The following CHRM3 variants were observed in gnomAD, a reference collection of about 807,000 sequenced individuals.
The protein encoded by CHRM3 is cholinergic receptor muscarinic 3.
A neutral mutation model predicts 41.8 loss-of-function variants in CHRM3; 11 were observed. The ratio of observed to expected loss-of-function variants is 0.26; its 90% CI spans 0.17 to 0.44. The LOEUF is 0.44. Among genes scored for constraint, CHRM3 ranks in the 20% least tolerant of loss-of-function variants. The probability of loss-of-function intolerance (pLI) is 1.00; values close to 1 mark genes in which losing one functional copy is unlikely to be tolerated. For missense variants in CHRM3, 571 were observed against 745.4 expected, an observed-to-expected ratio of 0.77 and a Z score of 2.72; for synonymous variants, 297 against 301.4, an observed-to-expected ratio of 0.99 and a Z score of 0.15.
chr1:239,498,071 G>C (rs1289924204), intron 2 of CHRM3, among the ~76,000 whole-genome samples: 1 of 152,122 alleles, frequency 6.6e-6, no homozygotes, highest in Non-Finnish European at 1.5e-5. Flanking sequence ...ATCAGCCCTA[G>C]AGCTGCAAAT....
At chr1:239,448,541 T>C (rs1664316490) in intron 1 of CHRM3, among the ~76,000 whole-genome samples, 1 of 152,144 alleles carries the variant, frequency 6.6e-6, no homozygotes, top group Non-Finnish European at 1.5e-5. Flanking sequence ...AATTGATATT[T>C]TAAAACATGA....
chr1:239,777,044 A>G (rs1668145991), intron 5 of CHRM3, among the ~76,000 whole-genome samples: 2 of 152,190 alleles, frequency 1.3e-5, no homozygotes, highest in Admixed American at 1.3e-4. Context: ...AAACCATATC[A>G]ATAGTATATC....
chr1:239,516,093 C>CT (rs899655051), intron 2 of CHRM3, among the ~76,000 whole-genome samples: 17 of 151,524 alleles, frequency 1.1e-4, no homozygotes, highest in Admixed American at 5.9e-4. Flanking sequence ...GAAAGCTGAG[C>CT]TTTTTTTTTG....
chr1:239,746,783 A>C (rs1665398176), intron 5 of CHRM3, among the ~76,000 whole-genome samples: 1 of 151,226 alleles, frequency 6.6e-6, no homozygotes, highest in Non-Finnish European at 1.5e-5. Flanking sequence ...TTTGAGACAG[A>C]GTTTCGCTCT....
At chr1:239,874,697 CT>C (rs372147115) in intron 6 of CHRM3, among the ~76,000 whole-genome samples, 1,886 of 143,880 alleles carry the variant, frequency 0.013, 21 homozygotes, top group South Asian at 0.022. Context: ...TTTGGCATTA[CT>C]TTTTTTTTTT....
chr1:239,823,562 C>T lies in CHRM3; in HGVS notation c.-146-3690C>T, dbSNP rs937478516. On this transcript the variant is annotated intron_variant, in intron 5 of 6. Coordinates refer to ENST00000676153, the MANE Select transcript of CHRM3 (RefSeq NM_001375978.1). ...CCGCCCTCTCAGCCTCAAGTCAGTACCGTGAGAAGGATATATTACTGTCGA... is the reference window on the plus strand; with the variant it reads ...CCGCCCTCTCAGCCTCAAGTCAGTATCGTGAGAAGGATATATTACTGTCGA... 9.2e-5 allele frequency among the ~76,000 whole-genome samples: 14 copies of T among 152,052 alleles called. 1 individual carries two copies. The highest frequency in any genetic ancestry group is 2.9e-4 in the African/African-American group (12 of 41,470).
chr1:239,804,301 C>T (rs1301159624), intron 5 of CHRM3, among the ~76,000 whole-genome samples: 3 of 151,670 alleles, frequency 2.0e-5, no homozygotes, highest in Admixed American at 6.6e-5. Context: ...GACTTCTTTC[C>T]TTCAGTTCAT....
At chr1:239,518,295 T>G (rs1187371239) in intron 2 of CHRM3, among the ~76,000 whole-genome samples, 7 of 152,234 alleles carry the variant, frequency 4.6e-5, no homozygotes, top group African/African-American at 1.4e-4. Flanking sequence ...GCCTTTCACC[T>G]CTTCATAAGA....
chr1:239,526,038 C>A (rs1331482385), intron 2 of CHRM3, among the ~76,000 whole-genome samples: 3 of 152,166 alleles, frequency 2.0e-5, no homozygotes, highest in Admixed American at 1.3e-4. Flanking sequence ...ATCATGGAGT[C>A]TCAGCTGGGT....
chr1:239,835,672 G>A (rs1337874355), intron 6 of CHRM3, among the ~76,000 whole-genome samples: 5 of 152,106 alleles, frequency 3.3e-5, no homozygotes, highest in South Asian at 2.1e-4. Context: ...TATTTATTTC[G>A]AATAGTTTAG....
intron 2 of CHRM3, among the ~76,000 whole-genome samples, chr1:239,537,879 C>A (rs1658359608): frequency 6.6e-6 from 1 of 152,120 alleles, no homozygotes; most frequent in African/African-American, 2.4e-5. Flanking sequence ...CACTCATTGG[C>A]TAATTTGGCT....
At chr1:239,709,381 T>A (rs1205147521) in intron 5 of CHRM3, among the ~76,000 whole-genome samples, 1 of 152,228 alleles carries the variant, frequency 6.6e-6, no homozygotes, top group African/African-American at 2.4e-5. Context: ...ATAGTCATAC[T>A]CTTGACAATC....
chr1:239,486,575 T>C (rs1386902341), intron 1 of CHRM3, among the ~76,000 whole-genome samples: 1 of 152,350 alleles, frequency 6.6e-6, no homozygotes, highest in East Asian at 1.9e-4. Context: ...GCAGGCCATA[T>C]GACCTCTCTT....
intron 5 of CHRM3, chr1:239,719,575 T>A (rs941991177): frequency 1.3e-5 from 2 of 151,942 alleles, no homozygotes; most frequent in Admixed American, 6.6e-5. Flanking sequence ...CTGACCTGTA[T>A]ACGTAAGGAA....
At chr1:239,413,774 G>C (rs1467539980) in intron 1 of CHRM3, among the ~76,000 whole-genome samples, 2 of 152,202 alleles carry the variant, frequency 1.3e-5, no homozygotes, top group Non-Finnish European at 2.9e-5. Flanking sequence ...AGTTAGCATA[G>C]TTCTGCGGTG....
chr1:239,541,571 G>A (rs1283253837), intron 2 of CHRM3, among the ~76,000 whole-genome samples: 1 of 151,920 alleles, frequency 6.6e-6, no homozygotes, highest in Non-Finnish European at 1.5e-5. Flanking sequence ...GAGTGCAGTG[G>A]CGTGATTACC....
intron 3 of CHRM3, among the ~76,000 whole-genome samples, chr1:239,582,638 C>T (rs750107881): frequency 2.0e-4 from 30 of 152,094 alleles, no homozygotes; most frequent in African/African-American, 5.3e-4. Context: ...AAACTGAACA[C>T]GGTGTTTCCT....
chr1:239,491,834 A>G (rs942062329), intron 1 of CHRM3, among the ~76,000 whole-genome samples: 1 of 152,098 alleles, frequency 6.6e-6, no homozygotes, highest in African/African-American at 2.4e-5. Flanking sequence ...TTTAAACTCA[A>G]TCTTACTCTT....
intron 1 of CHRM3, among the ~76,000 whole-genome samples, chr1:239,404,390 A>AAG (rs760256501): frequency 6.0e-5 from 5 of 82,796 alleles, no homozygotes; most frequent in African/African-American, 2.5e-4. Flanking sequence ...GAAAGAAAGA[A>AAG]AGAAAGAAAG....
Sources: allele counts gnomAD v4.1 joint callset (sites outside exome capture counted in the v4.1 genomes callset), GRCh38; gene constraint gnomAD v4.1.1; transcripts MANE v1.5; gene names NCBI Gene and HGNC (gene_info 2026-07-23, HGNC 2026-07-21).